ANKRD30A: variants seen among roughly 807,000 people sequenced by gnomAD.
ANKRD30A encodes the protein ankyrin repeat domain 30A.
In ANKRD30A, 170 loss-of-function variants were observed where a neutral mutation model predicts 166.3. That is an observed-to-expected ratio of 1.02 (90% CI 0.90 to 1.16). The LOEUF (loss-of-function observed/expected upper bound fraction) is 1.16, where lower values mean the gene tolerates loss of function less well. ANKRD30A is among the 50% of genes most tolerant of loss of function. The pLI is 0.00. For synonymous variants in ANKRD30A, 564 were observed against 508.9 expected (o/e 1.11, Z -1.46); for missense variants, 1,630 against 1,518.0 (o/e 1.07, Z -1.23).
chr10:37,156,589 A>G (rs1255910024), intron 13 of ANKRD30A, among the ~76,000 whole-genome samples: 1 of 152,138 alleles, frequency 6.6e-6, no homozygotes, highest in Non-Finnish European at 1.5e-5. Flanking sequence ...TAGAAAATTT[A>G]ATGCCAGTTA....
chr10:37,159,979 G>T (rs1396710865), intron 15 of ANKRD30A, among the ~76,000 whole-genome samples: 1 of 152,128 alleles, frequency 6.6e-6, no homozygotes, highest in East Asian at 1.9e-4. Context: ...AATTACAGGC[G>T]TGAGGCACCG....
intron 6 of ANKRD30A, among the ~76,000 whole-genome samples, chr10:37,140,492 G>A (rs1428238512): frequency 6.6e-6 from 1 of 152,096 alleles, no homozygotes; most frequent in African/African-American, 2.4e-5. Context: ...CGCAGGTTAT[G>A]TTACATAGTC....
downstream of ANKRD30A, chr10:37,232,652 TTTTATATATATATA>T (rs1328535114): frequency 3.1e-3 from 68 of 22,190 alleles, 5 homozygotes; most frequent in South Asian, 0.011. Context: ...GAAGCATTGG[TTTTATATATATATA>T]TATATATATA....
At chr10:37,138,862 A>G (rs1002868897) in intron 6 of ANKRD30A, among the ~76,000 whole-genome samples, 12 of 152,204 alleles carry the variant, frequency 7.9e-5, no homozygotes, top group African/African-American at 2.7e-4. Flanking sequence ...ATTCAAATTC[A>G]GGAAATACAG....
intron 30 of ANKRD30A, among the ~76,000 whole-genome samples, chr10:37,200,821 A>G (rs191304721): frequency 4.7e-4 from 72 of 152,230 alleles, no homozygotes; most frequent in African/African-American, 1.7e-3. Context: ...AGACAATTGT[A>G]TGATCATGCA....
chr10:37,179,391 A>G (rs1475222968), intron 24 of ANKRD30A, among the ~76,000 whole-genome samples: 8 of 151,082 alleles, frequency 5.3e-5, no homozygotes, highest in Non-Finnish European at 1.0e-4. Flanking sequence ...TAAATTTGCT[A>G]TTCCTGATGA....
chr10:37,138,545 G>A (rs1836874371), intron 6 of ANKRD30A, among the ~76,000 whole-genome samples: 1 of 152,228 alleles, frequency 6.6e-6, no homozygotes, highest in Admixed American at 6.5e-5. Context: ...ACCTGATGGA[G>A]CTGAAAACCA....
At chr10:37,257,519 T>G in the ANKRD30A span, among the ~76,000 whole-genome samples, 2 of 152,210 alleles carry the variant, frequency 1.3e-5, no homozygotes, top group Admixed American at 1.3e-4. Flanking sequence ...CTTTCCAGCT[T>G]TCTGTTGTGG....
At chr10:37,228,525 A>G (rs1321839498) in intron 34 of ANKRD30A, among the ~76,000 whole-genome samples, 1 of 152,024 alleles carries the variant, frequency 6.6e-6, no homozygotes, top group Non-Finnish European at 1.5e-5. Context: ...CTTCTATGAA[A>G]TCAGATAACA....
intron 27 of ANKRD30A, among the ~76,000 whole-genome samples, chr10:37,194,064 T>C (rs1202073661): frequency 6.6e-6 from 1 of 151,898 alleles, no homozygotes; most frequent in Non-Finnish European, 1.5e-5. Context: ...GTTGTGGTGG[T>C]GGGTGCCTGT....
chr10:37,237,097 A>C (rs529090174), downstream of ANKRD30A, among the ~76,000 whole-genome samples: 5 of 152,208 alleles, frequency 3.3e-5, no homozygotes, highest in Non-Finnish European at 7.3e-5. Context: ...AGACAGTTTT[A>C]CCATATGCAT....
Position 37,129,953 on chromosome 10 carries a change from CAGAA to C in ANKRD30A, c.285_288del (p.Arg95SerfsTer15). On this transcript the variant is annotated frameshift_variant, in exon 2 of 36. Transcript: ENST00000361713. LOFTEE classifies it high-confidence loss of function. ...AGGAAGTAGTAACATTTCTGGTAGACAGAAAGTGCCAGCTTGACGTCCTTGATGG... is the reference window on the plus strand; with the variant it reads ...AGGAAGTAGTAACATTTCTGGTAGACAGTGCCAGCTTGACGTCCTTGATGG... 6.3e-7 allele frequency: 1 copy of C among 1,579,226 alleles called. No homozygotes were observed. Among genetic ancestry groups the C allele is most frequent in the Non-Finnish European group, 8.6e-7 (1 of 1,160,594 alleles).
intron 31 of ANKRD30A, among the ~76,000 whole-genome samples, chr10:37,215,552 C>T (rs1025366354): frequency 4.6e-5 from 7 of 151,342 alleles, no homozygotes; most frequent in Non-Finnish European, 1.0e-4. Flanking sequence ...TCAGTTTTTT[C>T]TTCCTGTGTC....
At chr10:37,138,248 C>A (rs1237045027) in intron 6 of ANKRD30A, among the ~76,000 whole-genome samples, 2 of 151,974 alleles carry the variant, frequency 1.3e-5, no homozygotes, top group Admixed American at 1.3e-4. Flanking sequence ...CATCAAAGAC[C>A]AAAGGTAGAT....
chr10:37,151,033 C>G (rs1837895266), intron 11 of ANKRD30A, among the ~76,000 whole-genome samples: 1 of 124,216 alleles, frequency 8.1e-6, no homozygotes, highest in Admixed American at 8.4e-5. Context: ...TTCTTGTACC[C>G]TCTGCATGAA....
chr10:37,204,865 T>C (rs1841885961), intron 31 of ANKRD30A, among the ~76,000 whole-genome samples: 1 of 152,152 alleles, frequency 6.6e-6, no homozygotes, highest in African/African-American at 2.4e-5. Flanking sequence ...TCATCACCTG[T>C]CATCAGAGAA....
intron 6 of ANKRD30A, among the ~76,000 whole-genome samples, chr10:37,137,254 G>C (rs553316394): frequency 5.1e-4 from 78 of 152,246 alleles, no homozygotes; most frequent in Non-Finnish European, 1.0e-3. Flanking sequence ...AGCCAAGATG[G>C]CTGAATAGGA....
At chr10:37,235,910 C>G (rs982273846), downstream of ANKRD30A, among the ~76,000 whole-genome samples, 1 of 151,828 alleles carries the variant, frequency 6.6e-6, no homozygotes, top group African/African-American at 2.4e-5. Flanking sequence ...GCTGGGACTA[C>G]AGGCGCCCGC....
chr10:37,126,122 T>G, intron 1 of ANKRD30A, 114 bp downstream of exon 1: 1 of 1,154,630 alleles, frequency 8.7e-7, no homozygotes, highest in Non-Finnish European at 1.3e-6. Flanking sequence ...GGTGGAGGAG[T>G]AACGGGCAGC....
Sources: allele counts gnomAD v4.1 joint callset (sites outside exome capture counted in the v4.1 genomes callset), GRCh38; gene constraint gnomAD v4.1.1; transcripts MANE v1.5; gene names NCBI Gene and HGNC (gene_info 2026-07-23, HGNC 2026-07-21).